Variants in ANKRD17 observed in about 807,000 individuals in gnomAD.
ANKRD17 encodes the protein ankyrin repeat domain-containing protein 17.
A neutral mutation model predicts 229.7 loss-of-function variants in ANKRD17; 19 were observed. The ratio of observed to expected loss-of-function variants is 0.08; its 90% CI spans 0.06 to 0.12. The LOEUF is 0.12. Among genes scored for constraint, ANKRD17 ranks in the 10% least tolerant of loss-of-function variants. ANKRD17 has a pLI of 1.00. For missense variants in ANKRD17, 2,176 were observed against 3,176.8 expected, an observed-to-expected ratio of 0.68 and a Z score of 7.57; for synonymous variants, 1,112 against 1,146.1, an observed-to-expected ratio of 0.97 and a Z score of 0.60.
chr4:73,203,661 G>A (rs1379117494), intron 1 of ANKRD17, among the ~76,000 whole-genome samples: 1 of 150,754 alleles, frequency 6.6e-6, no homozygotes, highest in Admixed American at 6.7e-5. Context: ...GGGAGGCTGA[G>A]GCAGGGAGAA....
At chr4:73,158,801 C>A (rs1025116003) in intron 3 of ANKRD17, among the ~76,000 whole-genome samples, 9 of 152,174 alleles carry the variant, frequency 5.9e-5, no homozygotes, top group African/African-American at 2.2e-4. Context: ...GAAGAGAAAC[C>A]TGAACTAGCA....
chr4:73,155,597 T>TGAAA, intron 5 of ANKRD17, 34 bp downstream of exon 5: 1 of 1,609,294 alleles, frequency 6.2e-7, no homozygotes. Flanking sequence ...ATGATGTTAC[T>TGAAA]ATGTAGTAAA....
rs151206216 is a variant in ANKRD17 at position 73,100,321 on chromosome 4, G to C, written c.4574-1801C>G. ...GCCCTGCCCCTAGGATGCTGCAGCA[G>C]AGTGAGCAAGGGGGCCTGAATCGAC... On this transcript the variant is annotated intron_variant, in intron 25 of 33. Transcript: ENST00000358602. Among the ~76,000 whole-genome samples the C allele has an allele frequency of 6.2e-3, 937 of 152,198 alleles. 11 individuals carry two copies. The highest frequency in any genetic ancestry group is 0.019 in the African/African-American group (777 of 41,532).
chr4:73,107,900 T>C (rs1431177080), intron 24 of ANKRD17, among the ~76,000 whole-genome samples: 1 of 152,168 alleles, frequency 6.6e-6, no homozygotes, highest in Admixed American at 6.5e-5. Flanking sequence ...GGGTGCTACA[T>C]AAACTACAAG....
At chr4:73,158,190 G>GAA (rs1560618018) in intron 3 of ANKRD17, among the ~76,000 whole-genome samples, 10 of 87,954 alleles carry the variant, frequency 1.1e-4, no homozygotes, top group Non-Finnish European at 1.4e-4. Context: ...GAAAGAAAGA[G>GAA]AGAGAAAGAA....
At chr4:73,250,516 C>G (rs1744894775) in intron 1 of ANKRD17, among the ~76,000 whole-genome samples, 1 of 128,074 alleles carries the variant, frequency 7.8e-6, no homozygotes, top group South Asian at 2.7e-4. Flanking sequence ...ATGAGAATTG[C>G]TTGAACCCGG....
intron 1 of ANKRD17, among the ~76,000 whole-genome samples, chr4:73,232,265 C>T (rs1361642468): frequency 2.0e-5 from 3 of 152,104 alleles, no homozygotes; most frequent in Non-Finnish European, 2.9e-5. Context: ...GGAGACATAC[C>T]TTGCCTCCAG....
intron 2 of ANKRD17, among the ~76,000 whole-genome samples, chr4:73,176,300 A>G (rs1214832528): frequency 6.6e-6 from 1 of 152,224 alleles, no homozygotes; most frequent in East Asian, 1.9e-4. Flanking sequence ...ACAGGCAATG[A>G]CAAATGCTGG....
At chr4:73,112,037 T>C (rs1725382356) in intron 24 of ANKRD17, among the ~76,000 whole-genome samples, 1 of 152,160 alleles carries the variant, frequency 6.6e-6, no homozygotes, top group Admixed American at 6.5e-5. Flanking sequence ...TGGAAGATGC[T>C]GCTGACAGCA....
chr4:73,152,636 G>A (rs1310187006), intron 6 of ANKRD17, among the ~76,000 whole-genome samples: 1 of 152,152 alleles, frequency 6.6e-6, no homozygotes, highest in Admixed American at 6.5e-5. Flanking sequence ...GCAAAGGCGA[G>A]AGGGCAGAGT....
intron 1 of ANKRD17, among the ~76,000 whole-genome samples, chr4:73,252,629 G>T (rs1745127670): frequency 6.6e-6 from 1 of 151,998 alleles, no homozygotes; most frequent in Non-Finnish European, 1.5e-5. Flanking sequence ...AATATCAGAG[G>T]ATTCACAGCC....
chr4:73,088,817 T>A (rs1361092378), intron 29 of ANKRD17, among the ~76,000 whole-genome samples: 1 of 152,188 alleles, frequency 6.6e-6, no homozygotes, highest in Non-Finnish European at 1.5e-5. Context: ...AATGTCATAT[T>A]TCCAATAACA....
At chr4:73,255,223 C>T (rs1745353210) in intron 1 of ANKRD17, among the ~76,000 whole-genome samples, 2 of 152,292 alleles carry the variant, frequency 1.3e-5, no homozygotes, top group Middle Eastern at 3.4e-3. Context: ...TCTTATTGTT[C>T]AACAATTAAA....
chr4:73,216,131 C>A lies in ANKRD17; in HGVS notation c.394-38598G>T, dbSNP rs112439742. 2.5e-3 allele frequency among the ~76,000 whole-genome samples: 378 copies of A among 152,134 alleles called. 2 individuals carry two copies. Among genetic ancestry groups the A allele is most frequent in the South Asian group, 0.016 (76 of 4,808 alleles). On this transcript the variant is annotated intron_variant, in intron 1 of 33. Coordinates refer to ENST00000358602, the MANE Select transcript of ANKRD17 (RefSeq NM_032217.5). ...AAGATATGAGAGTCTAGTTATCTTC[C>A]ATTAAGTCAGATGTTAAAGATATTT... is the stretch of plus-strand genomic sequence containing the variant.
At chr4:73,114,239 G>A (rs1725663584) in intron 23 of ANKRD17, among the ~76,000 whole-genome samples, 1 of 152,074 alleles carries the variant, frequency 6.6e-6, no homozygotes, top group African/African-American at 2.4e-5. Context: ...CTGGTTAACA[G>A]GCTAAAGGAA....
chr4:73,195,657 T>C (rs1056107237), intron 1 of ANKRD17, among the ~76,000 whole-genome samples: 1 of 151,906 alleles, frequency 6.6e-6, no homozygotes, highest in African/African-American at 2.4e-5. Context: ...TACAGGCGCA[T>C]ACCACCACAC....
At chr4:73,215,021 T>C (rs1342480175) in intron 1 of ANKRD17, among the ~76,000 whole-genome samples, 1 of 152,142 alleles carries the variant, frequency 6.6e-6, no homozygotes, top group African/African-American at 2.4e-5. Flanking sequence ...GTAGCCAACT[T>C]TTTTTCATAG....
intron 29 of ANKRD17, among the ~76,000 whole-genome samples, chr4:73,087,935 A>G (rs1333118938): frequency 6.6e-6 from 1 of 151,880 alleles, no homozygotes; most frequent in Non-Finnish European, 1.5e-5. Flanking sequence ...AGGGGGAAGA[A>G]AAGGAAGCAG....
intron 2 of ANKRD17, among the ~76,000 whole-genome samples, chr4:73,170,888 T>C (rs1733901991): frequency 1.3e-5 from 2 of 152,136 alleles, no homozygotes; most frequent in Non-Finnish European, 2.9e-5. Context: ...TCTAAGGTTT[T>C]TGACCTCAGT....
Sources: allele counts gnomAD v4.1 joint callset (sites outside exome capture counted in the v4.1 genomes callset), GRCh38; gene constraint gnomAD v4.1.1; transcripts MANE v1.5; gene names NCBI Gene and HGNC (gene_info 2026-07-23, HGNC 2026-07-21).